Variants in ATP9A observed in about 807,000 individuals in gnomAD.
ATP9A encodes the protein ATPase phospholipid transporting 9A.
In ATP9A, 52 loss-of-function variants were observed where a neutral mutation model predicts 144.1. The ratio of observed to expected loss-of-function variants is 0.36; its 90% CI spans 0.29 to 0.45. ATP9A has a LOEUF of 0.45. ATP9A is among the 20% of genes least tolerant of loss of function. ATP9A has a pLI of 1.00. For synonymous variants in ATP9A, 582 were observed against 557.4 expected (o/e 1.04, Z -0.62); for missense variants, 947 against 1,392.7 (o/e 0.68, Z 5.09).
rs553001821 is a variant in ATP9A at position 51,689,595 on chromosome 20, T to C, written c.724-456A>G. Among the ~76,000 whole-genome samples, 3 of 151,208 alleles carry C rather than the reference T, an allele frequency of 2.0e-5. No individual in the cohort carries two copies. In the South Asian group the frequency reaches 6.3e-4, roughly 32 times the overall value. ...CTCTGCCACCCAGGCTGGAGTGCAG[T>C]GGCGCGATCTCGGCCCACTGCAACC... On this transcript the variant is annotated intron_variant, in intron 8 of 27. Transcript: ENST00000338821.
intron 15 of ATP9A, 148 bp from the exon 16 acceptor site, chr20:51,629,220 G>A: frequency 5.3e-6 from 3 of 569,856 alleles, no homozygotes; most frequent in East Asian, 2.8e-5. Flanking sequence ...AGCGAGAAGG[G>A]GCCTCATTTA....
chr20:51,684,582 G>A (rs1017735191), intron 9 of ATP9A, among the ~76,000 whole-genome samples: 11 of 151,666 alleles, frequency 7.3e-5, no homozygotes, highest in Non-Finnish European at 1.5e-4. Flanking sequence ...TGTAGTCCCA[G>A]CCACTGGGGA....
intron 1 of ATP9A, among the ~76,000 whole-genome samples, chr20:51,748,876 A>C (rs1239498739): frequency 6.6e-6 from 1 of 151,958 alleles, no homozygotes; most frequent in East Asian, 1.9e-4. Context: ...CAAGAGATCA[A>C]GACCAGCCTG....
intron 13 of ATP9A, among the ~76,000 whole-genome samples, chr20:51,668,129 T>TGGGGGGGGGGGGGGGGGGG (rs2077441241): frequency 2.9e-3 from 2 of 700 alleles, no homozygotes; most frequent in Admixed American, 0.031. Context: ...GGCGAGGGGC[T>TGGGGGGGGGGGGGGGGGGG]GGGGGAGGGG....
chr20:51,763,529 G>A (rs371677642), intron 1 of ATP9A, among the ~76,000 whole-genome samples: 68 of 151,824 alleles, frequency 4.5e-4, no homozygotes, highest in African/African-American at 1.6e-3. Context: ...TAGCCAGGAT[G>A]GTCTGGATCT....
intron 24 of ATP9A, 46 bp downstream of exon 24, chr20:51,610,055 G>C (rs781146894): frequency 1.3e-6 from 2 of 1,505,360 alleles, no homozygotes; most frequent in Non-Finnish European, 1.8e-6. Context: ...TGCAGCATTT[G>C]AAGAAGGTTT....
intron 15 of ATP9A, among the ~76,000 whole-genome samples, chr20:51,635,830 G>A (rs35012356): frequency 0.58 from 32,790 of 56,354 alleles, 7,396 homozygotes; most frequent in East Asian, 0.73. Flanking sequence ...GGAAGGGAGG[G>A]AGGGAGGGAG....
At chr20:51,703,810 C>A (rs1177208044) in intron 4 of ATP9A, among the ~76,000 whole-genome samples, 3 of 152,136 alleles carry the variant, frequency 2.0e-5, no homozygotes, top group Non-Finnish European at 4.4e-5. Context: ...ACCCTGAACA[C>A]CTCCATCTAT....
chr20:51,706,396 G>C (rs2077614748), intron 4 of ATP9A, among the ~76,000 whole-genome samples: 1 of 152,198 alleles, frequency 6.6e-6, no homozygotes, highest in Non-Finnish European at 1.5e-5. Context: ...CTAGCAATGA[G>C]TGAGAGAAAG....
chr20:51,706,166 T>C (rs1407011862), intron 4 of ATP9A, among the ~76,000 whole-genome samples: 1 of 152,248 alleles, frequency 6.6e-6, no homozygotes, highest in Admixed American at 6.5e-5. Flanking sequence ...AGCACCCCTG[T>C]AGCATATGTA....
At chr20:51,629,299 G>C (rs1189620744) in intron 15 of ATP9A, among the ~76,000 whole-genome samples, 1 of 152,198 alleles carries the variant, frequency 6.6e-6, no homozygotes, top group Non-Finnish European at 1.5e-5. Flanking sequence ...ATGAAAGAAA[G>C]ATCAAATGGA....
intron 23 of ATP9A, among the ~76,000 whole-genome samples, chr20:51,612,780 CT>C (rs2077189547): frequency 6.6e-6 from 1 of 152,172 alleles, no homozygotes; most frequent in South Asian, 2.1e-4. Flanking sequence ...AATATATACT[CT>C]AGAATCCTTT....
At chr20:51,627,723 A>T in intron 16 of ATP9A, 40 bp from the exon 17 acceptor site, 1 of 1,540,686 alleles carries the variant, frequency 6.5e-7, no homozygotes, top group Non-Finnish European at 9.0e-7. Context: ...CGGTGCTGAG[A>T]GCTCCTGACC....
intron 23 of ATP9A, among the ~76,000 whole-genome samples, chr20:51,610,779 G>A (rs188735499): frequency 2.0e-5 from 3 of 152,268 alleles, no homozygotes; most frequent in African/African-American, 7.2e-5. Flanking sequence ...AAGTGTCTAC[G>A]GGGGCTGGGA....
At chr20:51,720,057 T>C (rs1034754340) in intron 3 of ATP9A, among the ~76,000 whole-genome samples, 1 of 152,134 alleles carries the variant, frequency 6.6e-6, no homozygotes, top group Non-Finnish European at 1.5e-5. Flanking sequence ...AATGAATCAA[T>C]CAATAAAAAG....
chr20:51,671,346 C>CAAAACTCCATCTCAGAAAA, intron 11 of ATP9A, 89 bp from the exon 12 acceptor site: 4 of 1,454,126 alleles, frequency 2.8e-6, no homozygotes, highest in Non-Finnish European at 3.8e-6. Context: ...AACACATGTG[C>CAAAACTCCATCTCAGAAAA]CATCGCATCC....
At chr20:51,684,800 G>A (rs1391652538) in intron 9 of ATP9A, among the ~76,000 whole-genome samples, 2 of 151,578 alleles carry the variant, frequency 1.3e-5, no homozygotes, top group Non-Finnish European at 2.9e-5. Context: ...CACGAGGTCA[G>A]GAGATCGAGA....
At chr20:51,764,828 T>C (rs1206422701) in intron 1 of ATP9A, among the ~76,000 whole-genome samples, 1 of 152,076 alleles carries the variant, frequency 6.6e-6, no homozygotes, top group African/African-American at 2.4e-5. Flanking sequence ...TTCAAGCAAT[T>C]CTCCTGCCTC....
intron 1 of ATP9A, among the ~76,000 whole-genome samples, chr20:51,767,077 T>C (rs1218442997): frequency 2.2e-4 from 10 of 45,038 alleles, no homozygotes; most frequent in African/African-American, 9.2e-4. Context: ...ACCATTCTTT[T>C]TTTTTTTTTT....
Sources: gnomAD v4.1 joint callset for allele counts (sites outside exome capture counted in the v4.1 genomes callset) on GRCh38, gnomAD v4.1.1 for gene constraint, MANE v1.5 for transcripts, NCBI Gene and HGNC (gene_info 2026-07-23, HGNC 2026-07-21) for gene names.